The following HMGB1 variants were observed in gnomAD, a reference collection of about 807,000 sequenced individuals.
HMGB1 encodes the protein high mobility group box 1.
For missense variants in HMGB1, 79 were observed against 253.5 expected, an observed-to-expected ratio of 0.31 and a Z score of 4.67; for synonymous variants, 81 against 84.0, an observed-to-expected ratio of 0.96 and a Z score of 0.19.
intron 1 of HMGB1, among the ~76,000 whole-genome samples, chr13:30,525,426 A>G (rs1459887114): frequency 6.6e-6 from 1 of 152,190 alleles, no homozygotes. Flanking sequence ...GGAAGAGATG[A>G]AAGAATAAAG....
At position 30,461,568 on chromosome 13, in the gene HMGB1, A is replaced by G. The variant is rs368603560; in HGVS notation, c.472-35T>C. ...CAAAGGGAGGATAAAACAGTAGGGA[A>G]GAAAAAAACATTAAGGAAAGAAATA... is the stretch of plus-strand genomic sequence containing the variant. On this transcript the variant is annotated intron_variant, in intron 4 of 4. Coordinates refer to ENST00000341423, the MANE Select transcript of HMGB1 (RefSeq NM_002128.7). The G allele has an allele frequency of 2.2e-5, 34 of 1,570,528 alleles. No homozygotes were observed. In the African/African-American group the frequency reaches 3.7e-4, roughly 17 times the overall value.
At chr13:30,564,711 T>C (rs1438364602) in intron 1 of HMGB1, among the ~76,000 whole-genome samples, 1 of 152,260 alleles carries the variant, frequency 6.6e-6, no homozygotes, top group Non-Finnish European at 1.5e-5. Context: ...TATGTACTTT[T>C]ATCTCTCCAA....
At chr13:30,462,858 T>C (rs892814911) in intron 3 of HMGB1, 146 bp from the exon 4 acceptor site, 2 of 676,012 alleles carry the variant, frequency 3.0e-6, no homozygotes. Context: ...ATACTAAATA[T>C]CCTTCACAAC....
intron 1 of HMGB1, chr13:30,553,902 G>A (rs185957922): frequency 3.8e-5 from 52 of 1,376,124 alleles, no homozygotes; most frequent in Non-Finnish European, 5.3e-5. Flanking sequence ...TGACATAGAA[G>A]AGGCACGAAG....
intron 1 of HMGB1, among the ~76,000 whole-genome samples, chr13:30,612,660 A>T (rs1434282236): frequency 1.3e-5 from 2 of 152,240 alleles, no homozygotes; most frequent in African/African-American, 4.8e-5. Context: ...TGTCCAAATA[A>T]TCCTAAATTC....
At position 30,460,581 on chromosome 13, in the gene HMGB1, C is replaced by G. The variant is rs1200700620; in HGVS notation, c.*776G>C. 3.3e-5 allele frequency: 5 copies of G among 152,646 alleles called. No individual in the cohort carries two copies. The East Asian group carries it at 9.6e-4, about 29-fold the overall frequency. The allele number at this position is 152,646 out of a possible 1,614,324, so 9.5% of individuals were successfully genotyped here. The stretch of plus-strand genomic sequence containing the variant: ...TTTCTATTAGTCCTTCAAGGACAGA[C>G]TTTCAAAATGTTTGATTCTAATAAT... On this transcript the variant is annotated 3_prime_UTR_variant, in exon 5 of 5. Coordinates refer to ENST00000341423, the MANE Select transcript of HMGB1 (RefSeq NM_002128.7).
In HMGB1 at chr13:30,598,337, T is replaced by A. The variant is rs74043512; in HGVS notation, c.-15+18334A>T. Reference sequence around the variant, plus strand: ...GTAGGGCAAGGGCCAGAGACTCATTTTAAAGCAATGTTACAAGATCGTCAC... The same window carrying A: ...GTAGGGCAAGGGCCAGAGACTCATTATAAAGCAATGTTACAAGATCGTCAC... On this transcript the variant is annotated intron_variant, in intron 1 of 4. Transcript: ENST00000405805. Among the ~76,000 whole-genome samples, 387 of 152,386 alleles carry A rather than the reference T, an allele frequency of 2.5e-3. 1 individual carries two copies. Among genetic ancestry groups the A allele is most frequent in the African/African-American group, 8.8e-3 (364 of 41,598 alleles).
At chr13:30,582,774 A>C (rs532054848) in intron 1 of HMGB1, among the ~76,000 whole-genome samples, 1 of 152,358 alleles carries the variant, frequency 6.6e-6, no homozygotes, top group East Asian at 1.9e-4. Flanking sequence ...ACAGGTATTT[A>C]ACAAATGTTT....
At chr13:30,462,148 A>G (rs775242763) in intron 4 of HMGB1, among the ~76,000 whole-genome samples, 8 of 152,210 alleles carry the variant, frequency 5.3e-5, no homozygotes, top group Admixed American at 3.9e-4. Flanking sequence ...TTGAGTATCT[A>G]AAGGAAAAGA....
chr13:30,554,119 G>T, intron 1 of HMGB1: 1 of 1,260,594 alleles, frequency 7.9e-7, no homozygotes. Context: ...CAGAAGATGT[G>T]AAGTCATATT....
intron 1 of HMGB1, chr13:30,464,794 A>G (rs1409874267): frequency 1.0e-5 from 1 of 100,370 alleles, no homozygotes; most frequent in African/African-American, 3.4e-5. Context: ...TGTGTATGAG[A>G]GAGTGTGTGA....
intron 1 of HMGB1, among the ~76,000 whole-genome samples, chr13:30,586,494 T>G (rs1292034249): frequency 6.2e-5 from 9 of 144,786 alleles, no homozygotes; most frequent in East Asian, 6.2e-4. Flanking sequence ...TTTTTTTTTT[T>G]TTTTTTTTTT....
chr13:30,537,696 T>TATATATATATAA (rs1868519042), intron 1 of HMGB1, among the ~76,000 whole-genome samples: 4 of 125,722 alleles, frequency 3.2e-5, no homozygotes, highest in Admixed American at 8.2e-5. Context: ...TATATATATA[T>TATATATATATAA]AAAATTGATG....
At chr13:30,548,064 A>C (rs746269538) in intron 1 of HMGB1, among the ~76,000 whole-genome samples, 1 of 152,206 alleles carries the variant, frequency 6.6e-6, no homozygotes, top group Non-Finnish European at 1.5e-5. Context: ...CCACTGTTTC[A>C]GGTTTTAAAA....
At chr13:30,564,013 C>T (rs1870075264) in intron 1 of HMGB1, among the ~76,000 whole-genome samples, 1 of 152,110 alleles carries the variant, frequency 6.6e-6, no homozygotes, top group South Asian at 2.1e-4. Context: ...ACTTCGTGGG[C>T]ATGGTGGCCA....
chr13:30,506,361 G>A (rs2137458817), intron 1 of HMGB1, among the ~76,000 whole-genome samples: 1 of 152,328 alleles, frequency 6.6e-6, no homozygotes, highest in African/African-American at 2.4e-5. Context: ...GAATCTGGCT[G>A]AGGAAAGGTC....
chr13:30,605,964 A>G (rs1185947290), intron 1 of HMGB1, among the ~76,000 whole-genome samples: 1 of 152,170 alleles, frequency 6.6e-6, no homozygotes, highest in Non-Finnish European at 1.5e-5. Context: ...AACCATGAAC[A>G]CACCTAGGAA....
chr13:30,574,923 C>A (rs1870581372), intron 1 of HMGB1, among the ~76,000 whole-genome samples: 1 of 152,154 alleles, frequency 6.6e-6, no homozygotes, highest in Non-Finnish European at 1.5e-5. Context: ...ACAATGTACT[C>A]TTTGTAATAT....
chr13:30,579,820 T>C (rs895380613), intron 1 of HMGB1, among the ~76,000 whole-genome samples: 2 of 152,198 alleles, frequency 1.3e-5, no homozygotes, highest in Non-Finnish European at 2.9e-5. Flanking sequence ...TGTGCTTACA[T>C]TGATAGTTGA....
Sources: allele counts gnomAD v4.1 joint callset (sites outside exome capture counted in the v4.1 genomes callset), GRCh38; gene constraint gnomAD v4.1.1; transcripts MANE v1.5; gene names NCBI Gene and HGNC (gene_info 2026-07-23, HGNC 2026-07-21).